Variants in THOC2 observed in about 807,000 individuals in gnomAD.
THOC2 encodes the protein THO complex subunit 2.
A neutral mutation model predicts 128.4 loss-of-function variants in THOC2; 10 were observed. The ratio of observed to expected loss-of-function variants is 0.08; its 90% confidence interval spans 0.05 to 0.13. The LOEUF (loss-of-function observed/expected upper bound fraction) is 0.13. Among genes scored for constraint, THOC2 ranks in the 10% least tolerant of loss-of-function variants. The pLI, the probability that THOC2 is intolerant of heterozygous loss-of-function variation, is 1.00. For synonymous variants in THOC2, 393 were observed against 396.9 expected, an observed-to-expected ratio of 0.99 and a Z score of 0.12; for missense variants, 535 against 1,155.7, an observed-to-expected ratio of 0.46 and a Z score of 7.79.
intron 7 of THOC2, among the ~76,000 whole-genome samples, chrX:123,687,169 C>T (rs963460700): frequency 9.0e-6 from 1 of 111,479 alleles, no homozygotes; most frequent in Non-Finnish European, 1.9e-5. Context: ...GTTAAAAGTC[C>T]GGGTTCACAA....
chrX:123,603,577 T>C, intron 38 of THOC2: 1 of 871,235 alleles, frequency 1.1e-6, no homozygotes, highest in Non-Finnish European at 1.7e-6. Flanking sequence ...GACTTTGGAA[T>C]GTCTCGTCAA....
At chrX:123,658,156 T>C (rs966843980) in intron 12 of THOC2, among the ~76,000 whole-genome samples, 2 of 110,766 alleles carry the variant, frequency 1.8e-5, no homozygotes, top group African/African-American at 6.6e-5. Flanking sequence ...TTGCAAACTG[T>C]GGGGTAATCA....
chrX:123,729,555 G>C (rs771068370), intron 1 of THOC2, among the ~76,000 whole-genome samples: 14 of 111,939 alleles, frequency 1.3e-4, no homozygotes, highest in Non-Finnish European at 2.4e-4. Flanking sequence ...TGACAGACAA[G>C]AAATGAATTA....
chrX:123,664,387 G>A (rs2048969971), intron 12 of THOC2, among the ~76,000 whole-genome samples: 1 of 112,351 alleles, frequency 8.9e-6, no homozygotes, highest in African/African-American at 3.2e-5. Flanking sequence ...CTTCTGCACA[G>A]CAAAAGAAAC....
In THOC2 at chrX:123,671,720, T is replaced by C; in HGVS notation, c.810A>G (p.Ala270=). 1 of 1,188,829 alleles carries C rather than the reference T, an allele frequency of 8.4e-7. No individual in the cohort carries two copies. Among genetic ancestry groups the C allele is most frequent in the Non-Finnish European group, 1.1e-6 (1 of 883,071 alleles). The change falls in exon 9 of 39, where the codon GCA becomes GCG. Residue 270 remains alanine (A), a synonymous_variant. Coordinates refer to ENST00000245838, the MANE Select transcript of THOC2 (RefSeq NM_001081550.2). ...TAAGATTAAATTGTAGAAGTACTGC[T>C]GCAACTCTGTATAAAGATGATGGTG... The part of the protein sequence containing the change: ...GETPSSLYRV[A]AVLLQFNLID...
In THOC2 at chrX:123,636,155, C is replaced by G; in HGVS notation, c.1942G>C (p.Ala648Pro). ...WLQSLASFCG[A>P]VFRKYPIDLA... ...TCAATTGGATATTTACGAAAAACTGCACCACAGAAACTAGCCAGACCTATA... is the reference window on the plus strand; with the variant it reads ...TCAATTGGATATTTACGAAAAACTGGACCACAGAAACTAGCCAGACCTATA... The change falls in exon 19 of 39, where the codon GCA (alanine) becomes CCA (proline). Residue 648 changes from alanine (A) to proline (P), a missense_variant. Coordinates refer to ENST00000245838, the MANE Select transcript of THOC2 (RefSeq NM_001081550.2). The G allele has an allele frequency of 8.3e-7, 1 of 1,206,791 alleles. No homozygotes were observed. Among genetic ancestry groups the G allele is most frequent in the Non-Finnish European group, 1.1e-6 (1 of 892,407 alleles).
At chrX:123,726,617 A>G (rs753198191) in intron 1 of THOC2, among the ~76,000 whole-genome samples, 1 of 112,152 alleles carries the variant, frequency 8.9e-6, no homozygotes, top group Non-Finnish European at 1.9e-5. Flanking sequence ...CTTTTGCAAA[A>G]AGCCTTCCAA....
intron 1 of THOC2, among the ~76,000 whole-genome samples, chrX:123,724,024 A>G (rs1001958437): frequency 9.0e-6 from 1 of 111,608 alleles, no homozygotes; most frequent in Non-Finnish European, 1.9e-5. Context: ...CAATTTAGAA[A>G]AAAATTCTTC....
At chrX:123,663,375 A>G (rs911544119) in intron 12 of THOC2, among the ~76,000 whole-genome samples, 4 of 111,745 alleles carry the variant, frequency 3.6e-5, no homozygotes, top group Non-Finnish European at 7.5e-5. Flanking sequence ...AAGCAAAACT[A>G]TAGTGATGGA....
intron 28 of THOC2, 90 bp from the exon 29 acceptor site, chrX:123,623,373 A>C: frequency 1.1e-6 from 1 of 912,707 alleles, no homozygotes; most frequent in Non-Finnish European, 1.5e-6. Flanking sequence ...CAAGTTATTC[A>C]TTCTACTATG....
chrX:123,697,016 T>C (rs912989998), intron 5 of THOC2, among the ~76,000 whole-genome samples, 174 bp from the exon 6 acceptor site: 1 of 112,031 alleles, frequency 8.9e-6, no homozygotes, highest in South Asian at 3.7e-4. Context: ...ACTCCAAATA[T>C]TGAAATATTT....
intron 1 of THOC2, among the ~76,000 whole-genome samples, chrX:123,724,672 G>A (rs766498048): frequency 1.8e-5 from 2 of 111,356 alleles, no homozygotes; most frequent in East Asian, 2.8e-4. Context: ...GCAACAGAGC[G>A]AGACTCTGTC....
chrX:123,694,771 A>G (rs900226591), intron 7 of THOC2, among the ~76,000 whole-genome samples: 26 of 111,554 alleles, frequency 2.3e-4, no homozygotes, highest in Admixed American at 3.8e-4. Flanking sequence ...TGGAAGAAAC[A>G]ACAAAGACAC....
chrX:123,606,694 G>A lies in THOC2; in HGVS notation c.*18+4224C>T, dbSNP rs781203557. On this transcript the variant is annotated intron_variant, in intron 38 of 38. Coordinates refer to ENST00000245838, the MANE Select transcript of THOC2 (RefSeq NM_001081550.2). ...GATAATTTGCAACGTAGGATTTAGA[G>A]GATAAAAATTAGGTTACACATGTGA... Among the ~76,000 whole-genome samples the A allele has an allele frequency of 1.2e-4, 13 of 112,089 alleles. No homozygotes were observed. The East Asian group carries it at 3.6e-3, about 31-fold the overall frequency.
intron 12 of THOC2, among the ~76,000 whole-genome samples, chrX:123,647,428 G>C (rs1358950630): frequency 9.0e-6 from 1 of 111,032 alleles, no homozygotes; most frequent in Admixed American, 9.6e-5. Flanking sequence ...GAAACAGGGA[G>C]GGAGAACAAG....
intron 23 of THOC2, 90 bp downstream of exon 23, chrX:123,627,603 T>C: frequency 2.1e-6 from 2 of 934,004 alleles, no homozygotes; most frequent in South Asian, 4.8e-5. Context: ...ATCACTGTTT[T>C]AAGGAACCAG....
intron 12 of THOC2, among the ~76,000 whole-genome samples, chrX:123,653,886 C>T (rs1173164444): frequency 9.0e-6 from 1 of 111,294 alleles, no homozygotes; most frequent in Non-Finnish European, 1.9e-5. Context: ...ACCATTTGAC[C>T]CAGCAATCCC....
At chrX:123,728,047 T>C (rs1037867310) in intron 1 of THOC2, among the ~76,000 whole-genome samples, 4 of 112,254 alleles carry the variant, frequency 3.6e-5, no homozygotes, top group East Asian at 5.5e-4. Flanking sequence ...CTTTCATATA[T>C]AGAAGGCTGA....
intron 1 of THOC2, among the ~76,000 whole-genome samples, chrX:123,720,244 G>A (rs752878652): frequency 6.4e-5 from 7 of 109,278 alleles, no homozygotes; most frequent in Non-Finnish European, 1.1e-4. Flanking sequence ...CTAGGAGTTC[G>A]AGACCAGCCT....
Sources: allele counts gnomAD v4.1 joint callset (sites outside exome capture counted in the v4.1 genomes callset), GRCh38; gene constraint gnomAD v4.1.1; transcripts MANE v1.5; gene names NCBI Gene and HGNC (gene_info 2026-07-23, HGNC 2026-07-21).